EMC8: variants seen among roughly 807,000 people sequenced by gnomAD.
The protein encoded by EMC8 is ER membrane protein complex subunit 8.
Under a neutral mutation model 24.3 loss-of-function variants are expected in EMC8, and 11 were observed. The observed-to-expected ratio is 0.45, with a 90% CI of 0.28 to 0.75. The LOEUF (loss-of-function observed/expected upper bound fraction) is 0.75, where lower values mean the gene tolerates loss of function less well. Among genes scored for constraint, EMC8 ranks in the 30% least tolerant of loss-of-function variants. The probability of loss-of-function intolerance (pLI) is 0.12; values close to 1 mark genes in which losing one functional copy is unlikely to be tolerated. For missense variants in EMC8, 277 were observed against 282.7 expected (o/e 0.98, Z 0.14); for synonymous variants, 145 against 117.7 (o/e 1.23, Z -1.50).
At position 85,781,289 on chromosome 16, in the gene EMC8, G is replaced by C. The variant is rs1407918896; in HGVS notation, c.309-9C>G. On this transcript the variant is annotated splice_polypyrimidine_tract_variant and intron_variant, in intron 2 of 4. Transcript: ENST00000253457. ...CTGCAACCTGGTTTGGACTGTCAAA[G>C]AAATAGGCTACCACATTCCAGTTAA... The C allele has an allele frequency of 7.4e-7, 1 of 1,348,108 alleles. No homozygotes were observed. Among genetic ancestry groups the C allele is most frequent in the Admixed American group, 2.4e-5 (1 of 41,082 alleles). 83.5% of individuals were successfully genotyped at this position (1,348,108 alleles called of 1,614,324 possible). A position where few individuals can be genotyped will look rare whatever the true frequency, so the allele number is the denominator to read the frequency against.
At chr16:85,788,070 C>T (rs950203502) in intron 2 of EMC8, among the ~76,000 whole-genome samples, 1 of 152,238 alleles carries the variant, frequency 6.6e-6, no homozygotes, top group Non-Finnish European at 1.5e-5. Flanking sequence ...GAAGCCACGT[C>T]AGGGCAGCCT....
chr16:85,799,169 G>T lies in EMC8; in HGVS notation c.127C>A (p.Pro43Thr). 6.2e-7 allele frequency: 1 copy of T among 1,611,376 alleles called. No individual in the cohort carries two copies. The highest frequency in any genetic ancestry group is 8.5e-7 in the Non-Finnish European group (1 of 1,179,014). Reference protein sequence around the residue: ...EKQKPRKEHLPLGGPGAHHTL... With the variant: ...EKQKPRKEHLTLGGPGAHHTL... Reference sequence around the variant, plus strand: ...TGGTGGGCGCCGGGGCCGCCCAGGGGGAGGTGCTCCTTACGCGGCTTCTGC... The same window carrying T: ...TGGTGGGCGCCGGGGCCGCCCAGGGTGAGGTGCTCCTTACGCGGCTTCTGC... The change falls in exon 1 of 5, where the codon CCC becomes ACC. Residue 43 changes from proline (P) to threonine (T), a missense_variant. Physicochemically the swap from Pro to Thr is conservative, Grantham distance 38 (BLOSUM62 -1). Transcript: ENST00000253457. This position sits in a 1 kb window ranked among gnomAD's most constrained non-coding sequence, Gnocchi z 4.2.
chr16:85,780,995 G>A (rs1904467613), intron 3 of EMC8: 1 of 568,062 alleles, frequency 1.8e-6, no homozygotes. Flanking sequence ...GCTGGCAGGG[G>A]ACCCCACTCC....
At chr16:85,794,173 G>C (rs1317741167) in intron 1 of EMC8, among the ~76,000 whole-genome samples, 1 of 152,152 alleles carries the variant, frequency 6.6e-6, no homozygotes, top group African/African-American at 2.4e-5. Flanking sequence ...ATAAACTATG[G>C]CTCTAAACAC....
intron 1 of EMC8, among the ~76,000 whole-genome samples, chr16:85,794,152 C>T (rs564900788): frequency 4.4e-4 from 67 of 152,296 alleles, no homozygotes; most frequent in African/African-American, 1.6e-3. Context: ...TCTTCTATGG[C>T]TGATAACCTC....
At chr16:85,797,664 G>A (rs1905293640) in intron 1 of EMC8, among the ~76,000 whole-genome samples, 1 of 152,148 alleles carries the variant, frequency 6.6e-6, no homozygotes, top group Admixed American at 6.5e-5. Context: ...GCCCAGAACT[G>A]ACTTGGGTGT....
Position 85,799,027 on chromosome 16 carries a change from G to C in EMC8, c.231+38C>G, listed in dbSNP as rs545020654. 4 of 1,398,130 alleles carry C rather than the reference G, an allele frequency of 2.9e-6. No homozygotes were observed. The highest frequency in any genetic ancestry group is 2.0e-5 in the Admixed American group (1 of 48,962). The allele number at this position is 1,398,130 out of a possible 1,614,324, so 86.6% of individuals were successfully genotyped here. A position where few individuals can be genotyped will look rare whatever the true frequency, so the allele number is the denominator to read the frequency against. ...CTCTCTGCTGACTGAGGGGAGGCCA[G>C]GCTGCCTGCAAGGGGAAGGGGCCCT... On this transcript the variant is annotated intron_variant, in intron 1 of 4. Coordinates refer to ENST00000253457, the MANE Select transcript of EMC8 (RefSeq NM_006067.5). This position sits in a 1 kb window ranked among gnomAD's most constrained non-coding sequence, Gnocchi z 4.2.
intron 1 of EMC8, among the ~76,000 whole-genome samples, chr16:85,794,493 C>A (rs908365219): frequency 1.3e-5 from 2 of 152,062 alleles, no homozygotes; most frequent in African/African-American, 4.8e-5. Context: ...GATCGAGACC[C>A]GCCTGGGTGA....
At position 85,799,322 on chromosome 16, in the gene EMC8, C is replaced by T. The variant is rs1355519462; in HGVS notation, c.-27G>A. ...CTGACCCGGGAGGGCCCCGGAGGCC[C>T]CTGGGCGCGCGGCTGAGGCCTGGAC... On this transcript the variant is annotated 5_prime_UTR_variant, in exon 1 of 5. Coordinates refer to ENST00000253457, the MANE Select transcript of EMC8 (RefSeq NM_006067.5). This position sits in a 1 kb window ranked among gnomAD's most constrained non-coding sequence, Gnocchi z 4.2. 2.0e-6 allele frequency: 3 copies of T among 1,523,426 alleles called. No homozygotes were observed. The highest frequency in any genetic ancestry group is 2.7e-6 in the Non-Finnish European group (3 of 1,124,424). 94.4% of individuals were successfully genotyped at this position (1,523,426 alleles called of 1,614,324 possible).
chr16:85,778,645 C>T lies in EMC8; in HGVS notation c.*1063G>A, dbSNP rs987790561. 6.6e-6 allele frequency: 1 copy of T among 152,160 alleles called. No homozygotes were observed. The highest frequency in any genetic ancestry group is 2.4e-5 in the African/African-American group (1 of 41,430). The allele number at this position is 152,160 out of a possible 1,614,324, so 9.4% of individuals were successfully genotyped here. ...AGAATTTGGTGGATCAAATAAAGCA[C>T]ATTTATTGTAGCGATGTCTGAACTT... On this transcript the variant is annotated 3_prime_UTR_variant, in exon 5 of 5. Coordinates refer to ENST00000253457, the MANE Select transcript of EMC8 (RefSeq NM_006067.5).
chr16:85,793,243 C>T (rs957527113), intron 1 of EMC8, among the ~76,000 whole-genome samples: 3 of 152,160 alleles, frequency 2.0e-5, no homozygotes, highest in African/African-American at 7.2e-5. Flanking sequence ...GTACAATAAC[C>T]GTAAAGAAGG....
chr16:85,781,712 A>G (rs1473691008), intron 2 of EMC8: 2 of 170,298 alleles, frequency 1.2e-5, no homozygotes, highest in Non-Finnish European at 2.4e-5. Context: ...CTGGCCTCCC[A>G]AAGTGCTTAC....
In EMC8 at chr16:85,779,401, GGTTA is replaced by G. The variant is rs775267365; in HGVS notation, c.*303_*306del. 4.5e-5 allele frequency: 9 copies of G among 200,708 alleles called. No individual in the cohort carries two copies. The highest frequency in any genetic ancestry group is 9.3e-5 in the African/African-American group (4 of 42,990). 12.4% of individuals were successfully genotyped at this position (200,708 alleles called of 1,614,324 possible). On this transcript the variant is annotated 3_prime_UTR_variant, in exon 5 of 5. Coordinates refer to ENST00000253457, the MANE Select transcript of EMC8 (RefSeq NM_006067.5). Reference sequence around the variant, plus strand: ...AAAGTATTCTCTCCAGATTATAAAAGGTTAGTTAAAACTGTTTAATAGGAACAAT... The same window carrying G: ...AAAGTATTCTCTCCAGATTATAAAAGGTTAAAACTGTTTAATAGGAACAAT...
chr16:85,788,929 C>G lies in EMC8; in HGVS notation c.308+45G>C, dbSNP rs769913331. On this transcript the variant is annotated intron_variant, in intron 2 of 4. Transcript: ENST00000253457. ...CACACGAGAGACGGGGTCTGCCCAA[C>G]ACGTGCTCACTTCCTCGCCCACAGA... 8 of 1,392,554 alleles carry G rather than the reference C, an allele frequency of 5.7e-6. No homozygotes were observed. In the South Asian group the frequency reaches 6.9e-5, roughly 12 times the overall value. The allele number at this position is 1,392,554 out of a possible 1,614,324, so 86.3% of individuals were successfully genotyped here.
intron 2 of EMC8, chr16:85,781,756 A>C (rs1056667998): frequency 1.6e-4 from 25 of 160,448 alleles, no homozygotes; most frequent in Non-Finnish European, 3.4e-4. Flanking sequence ...CTACTTATTT[A>C]TTTGTATTGC....
chr16:85,790,634 G>A (rs1044641227), intron 1 of EMC8, among the ~76,000 whole-genome samples: 6 of 152,138 alleles, frequency 3.9e-5, no homozygotes, highest in African/African-American at 7.2e-5. Flanking sequence ...CTTGAGCACC[G>A]TGCTCCCAGC....
intron 1 of EMC8, among the ~76,000 whole-genome samples, chr16:85,795,747 G>A (rs1423184708): frequency 6.6e-6 from 1 of 152,130 alleles, no homozygotes; most frequent in Non-Finnish European, 1.5e-5. Context: ...TCTGTGAGTT[G>A]CTCCAGCAAA....
At chr16:85,786,618 T>G (rs532386312) in intron 2 of EMC8, among the ~76,000 whole-genome samples, 4 of 152,256 alleles carry the variant, frequency 2.6e-5, no homozygotes, top group Non-Finnish European at 5.9e-5. Flanking sequence ...CTAAGGTTTA[T>G]CCTCTCTACA....
chr16:85,791,797 C>G (rs899447093), intron 1 of EMC8, among the ~76,000 whole-genome samples: 13 of 152,296 alleles, frequency 8.5e-5, no homozygotes, highest in African/African-American at 2.6e-4. Flanking sequence ...CTCACTCTGA[C>G]CTTCCTGCCT....
Sources: allele counts gnomAD v4.1 joint callset (sites outside exome capture counted in the v4.1 genomes callset), GRCh38; gene constraint gnomAD v4.1.1; non-coding constraint Gnocchi (gnomAD v3.1); transcripts MANE v1.5; gene names NCBI Gene and HGNC (gene_info 2026-07-23, HGNC 2026-07-21).